CSMD1: variants seen among roughly 807,000 people sequenced by gnomAD.
CSMD1 encodes the protein CUB and sushi domain-containing protein 1.
CSMD1 carries 213 observed loss-of-function variants against 417.5 expected under a neutral mutation model. That is an observed-to-expected ratio of 0.51 (90% CI 0.46 to 0.57). The LOEUF is 0.57. Ranked by LOEUF, CSMD1 falls within the 20% of genes least tolerant of loss-of-function variation. The probability of loss-of-function intolerance (pLI) is 0.00; values close to 1 mark genes in which losing one functional copy is unlikely to be tolerated. For synonymous variants in CSMD1, 2,862 were observed against 1,736.8 expected (o/e 1.65, Z -16.11); for missense variants, 6,923 against 4,529.7 (o/e 1.53, Z -15.17).
intron 7 of CSMD1, among the ~76,000 whole-genome samples, chr8:3,644,399 G>C (rs1371224513): frequency 6.6e-6 from 1 of 152,188 alleles, no homozygotes; most frequent in East Asian, 1.9e-4. Context: ...AGAAGCCCTG[G>C]AAGCCTCGCA....
At chr8:3,143,788 T>C (rs1396596574) in intron 40 of CSMD1, among the ~76,000 whole-genome samples, 2 of 152,188 alleles carry the variant, frequency 1.3e-5, no homozygotes, top group Non-Finnish European at 2.9e-5. Flanking sequence ...TTTCCTAGAT[T>C]GGGAAAATTA....
intron 1 of CSMD1, among the ~76,000 whole-genome samples, chr8:4,863,520 G>C (rs1802252885): frequency 1.3e-5 from 2 of 151,964 alleles, no homozygotes; most frequent in African/African-American, 2.4e-5. Flanking sequence ...TTAATGAAAA[G>C]GGTAACTCAT....
chr8:4,539,279 G>C (rs886169859), intron 2 of CSMD1, among the ~76,000 whole-genome samples: 1 of 152,188 alleles, frequency 6.6e-6, no homozygotes, highest in Non-Finnish European at 1.5e-5. Flanking sequence ...CTGGAAGATA[G>C]TATGCATATG....
chr8:3,896,626 C>G (rs1807385868), intron 5 of CSMD1, among the ~76,000 whole-genome samples: 2 of 152,046 alleles, frequency 1.3e-5, no homozygotes, highest in Non-Finnish European at 2.9e-5. Flanking sequence ...ATTCTCCTGC[C>G]TCAGCCTCCC....
intron 1 of CSMD1, among the ~76,000 whole-genome samples, chr8:4,643,510 A>AAAAAC (rs1216681521): frequency 1.3e-5 from 2 of 152,194 alleles, no homozygotes; most frequent in Non-Finnish European, 2.9e-5. Context: ...CTCTCAAGTA[A>AAAAAC]AAAACATAAA....
Position 4,456,891 on chromosome 8 carries a change from C to A in CSMD1, c.303-36826G>T, listed in dbSNP as rs560632205. On this transcript the variant is annotated intron_variant, in intron 2 of 69. Transcript: ENST00000635120. ...ACTGGCTTCAAAGGGAGAACACACCCGTATTTGAAGCCAGTTTCCACCCAC... is the reference window on the plus strand; with the variant it reads ...ACTGGCTTCAAAGGGAGAACACACCAGTATTTGAAGCCAGTTTCCACCCAC... 5.3e-5 allele frequency among the ~76,000 whole-genome samples: 8 copies of A among 151,258 alleles called. No homozygotes were observed. The South Asian group carries it at 1.7e-3, about 32-fold the overall frequency.
At chr8:4,973,988 G>T (rs1157413280) in intron 1 of CSMD1, among the ~76,000 whole-genome samples, 1 of 152,036 alleles carries the variant, frequency 6.6e-6, no homozygotes, top group Non-Finnish European at 1.5e-5. Flanking sequence ...TCCAAAGCAA[G>T]AAAGTTTTAG....
rs139862404 is a variant in CSMD1, at chr8:3,297,844, GA to G, written c.3950+9850del. ...AGTTTAAAAATTTGCTAACCGTAAA[GA>G]AAAAAAATGAGTAAAAATTATTATG... On this transcript the variant is annotated intron_variant, in intron 25 of 69. Coordinates refer to ENST00000635120, the MANE Select transcript of CSMD1 (RefSeq NM_033225.6). Among the ~76,000 whole-genome samples the G allele has an allele frequency of 7.9e-5, 12 of 151,488 alleles. No individual in the cohort carries two copies. In the South Asian group the frequency reaches 1.2e-3, roughly 16 times the overall value.
At chr8:3,831,164 T>C (rs1255389391) in intron 5 of CSMD1, among the ~76,000 whole-genome samples, 1 of 152,188 alleles carries the variant, frequency 6.6e-6, no homozygotes, top group Admixed American at 6.6e-5. Flanking sequence ...AAACCCAATT[T>C]ATCTAGAGAC....
intron 3 of CSMD1, among the ~76,000 whole-genome samples, chr8:4,137,166 T>C (rs984491114): frequency 1.1e-4 from 17 of 152,184 alleles, no homozygotes; most frequent in African/African-American, 4.1e-4. Context: ...AGGTTATCCA[T>C]TTCCTCCTAC....
intron 5 of CSMD1, among the ~76,000 whole-genome samples, chr8:3,835,364 T>A (rs559050308): frequency 6.6e-6 from 1 of 152,134 alleles, no homozygotes; most frequent in African/African-American, 2.4e-5. Flanking sequence ...GTGGTCCATA[T>A]ACACCATGGA....
In CSMD1 at chr8:3,374,405, G is replaced by C. The variant is rs77589150; in HGVS notation, c.2783-5035C>G. Among the ~76,000 whole-genome samples the C allele has an allele frequency of 4.7e-3, 716 of 152,274 alleles. 6 individuals carry two copies. The highest frequency in any genetic ancestry group is 0.017 in the African/African-American group (690 of 41,566). On this transcript the variant is annotated intron_variant, in intron 18 of 69. Coordinates refer to ENST00000635120, the MANE Select transcript of CSMD1 (RefSeq NM_033225.6). ...CTTCTGGGCATAGAACAATGAATAAGACAGAAAAGTCCCTGTTTTTCCAAA... is the reference window on the plus strand; with the variant it reads ...CTTCTGGGCATAGAACAATGAATAACACAGAAAAGTCCCTGTTTTTCCAAA...
intron 10 of CSMD1, among the ~76,000 whole-genome samples, chr8:3,527,141 GTCTC>G (rs1341216239): frequency 6.6e-6 from 1 of 151,962 alleles, no homozygotes; most frequent in Non-Finnish European, 1.5e-5. Flanking sequence ...GCCCTCGGAT[GTCTC>G]TCTCCACGTT....
At chr8:4,877,022 G>T (rs146423550) in intron 1 of CSMD1, among the ~76,000 whole-genome samples, 125 of 152,034 alleles carry the variant, frequency 8.2e-4, no homozygotes, top group Middle Eastern at 3.4e-3. Context: ...TTCTCAGAAA[G>T]AAAAATAAAA....
At chr8:4,620,154 T>C (rs1038625224) in intron 2 of CSMD1, among the ~76,000 whole-genome samples, 1 of 151,868 alleles carries the variant, frequency 6.6e-6, no homozygotes, top group Admixed American at 6.6e-5. Context: ...AGTAGGACTA[T>C]AAAGATATGT....
At chr8:3,897,568 C>T (rs1032589905) in intron 5 of CSMD1, among the ~76,000 whole-genome samples, 1 of 151,576 alleles carries the variant, frequency 6.6e-6, no homozygotes, top group Non-Finnish European at 1.5e-5. Flanking sequence ...ACAAAACTAC[C>T]TCAGTAAAAA....
chr8:3,464,775 C>G (rs1816706188), intron 12 of CSMD1, among the ~76,000 whole-genome samples: 1 of 151,980 alleles, frequency 6.6e-6, no homozygotes, highest in South Asian at 2.1e-4. Context: ...CATCCTGCTT[C>G]TTAGCATTTG....
chr8:3,696,305 T>G (rs552530729), intron 7 of CSMD1, among the ~76,000 whole-genome samples: 12 of 152,340 alleles, frequency 7.9e-5, no homozygotes, highest in African/African-American at 2.9e-4. Flanking sequence ...CAAAATATGG[T>G]GCCTTCCATC....
At chr8:4,447,111 T>A (rs1798861664) in intron 2 of CSMD1, among the ~76,000 whole-genome samples, 1 of 152,162 alleles carries the variant, frequency 6.6e-6, no homozygotes, top group African/African-American at 2.4e-5. Flanking sequence ...GGTACTTACT[T>A]AAATGTACAT....
Sources: gnomAD v4.1 joint callset for allele counts (sites outside exome capture counted in the v4.1 genomes callset) on GRCh38, gnomAD v4.1.1 for gene constraint, MANE v1.5 for transcripts, NCBI Gene and HGNC (gene_info 2026-07-23, HGNC 2026-07-21) for gene names.